PDLIM5: variants seen among roughly 807,000 people sequenced by gnomAD.
PDLIM5 encodes PDZ and LIM domain protein 5.
A neutral mutation model predicts 64.2 loss-of-function variants in PDLIM5; 34 were observed. That is an observed-to-expected ratio of 0.53 (90% CI 0.40 to 0.71). The LOEUF is 0.71. Among genes scored for constraint, PDLIM5 ranks in the 30% least tolerant of loss-of-function variants. The probability of loss-of-function intolerance (pLI) is 0.00; values close to 1 mark genes in which losing one functional copy is unlikely to be tolerated. For synonymous variants in PDLIM5, 253 were observed against 269.1 expected, an observed-to-expected ratio of 0.94 and a Z score of 0.59; for missense variants, 683 against 733.6, an observed-to-expected ratio of 0.93 and a Z score of 0.80.
chr4:94,642,736 A>C (rs1741094258), intron 9 of PDLIM5, among the ~76,000 whole-genome samples: 1 of 152,164 alleles, frequency 6.6e-6, no homozygotes, highest in Non-Finnish European at 1.5e-5. Context: ...TAGTCAAAGC[A>C]TAATTCTAGT....
At chr4:94,530,803 A>T (rs1031751184) in intron 3 of PDLIM5, among the ~76,000 whole-genome samples, 1 of 152,146 alleles carries the variant, frequency 6.6e-6, no homozygotes, top group Non-Finnish European at 1.5e-5. Flanking sequence ...AGATTGGAGT[A>T]ATTTAATAGG....
rs570686933 is a variant in PDLIM5, at chr4:94,570,897, G to T, written c.249-2454G>T. The stretch of plus-strand genomic sequence containing the variant: ...TGTTTACGAGTTAAGTATATTAGAT[G>T]CTTGAGGGAGTCACCAAGACATAAT... On this transcript the variant is annotated intron_variant, in intron 3 of 12. Transcript: ENST00000317968. Among the ~76,000 whole-genome samples, 26 of 152,238 alleles carry T rather than the reference G, an allele frequency of 1.7e-4. No homozygotes were observed. The South Asian group carries it at 4.2e-3, about 24-fold the overall frequency.
At chr4:94,488,263 G>C (rs150216098) in intron 2 of PDLIM5, among the ~76,000 whole-genome samples, 1 of 152,152 alleles carries the variant, frequency 6.6e-6, no homozygotes, top group African/African-American at 2.4e-5. Context: ...GAATTGAAAT[G>C]ATCTGTTTTT....
At position 94,645,937 on chromosome 4, in the gene PDLIM5, A is replaced by G. The variant is rs370995928; in HGVS notation, c.1283+5487A>G. Reference sequence around the variant, plus strand: ...TGAGAAAGAAGATAATAGATAATAAACAAGTTGAACAGTTAAATATTCTCA... The same window carrying G: ...TGAGAAAGAAGATAATAGATAATAAGCAAGTTGAACAGTTAAATATTCTCA... On this transcript the variant is annotated intron_variant, in intron 9 of 12. Coordinates refer to ENST00000317968, the MANE Select transcript of PDLIM5 (RefSeq NM_006457.5). Among the ~76,000 whole-genome samples, 149 of 152,330 alleles carry G rather than the reference A, an allele frequency of 9.8e-4. 5 individuals are homozygous for G. In the South Asian group the frequency reaches 0.02, roughly 21 times the overall value.
chr4:94,520,414 C>T (rs28491414), intron 2 of PDLIM5, among the ~76,000 whole-genome samples: 27,013 of 152,096 alleles, frequency 0.18, 5,126 homozygotes, highest in African/African-American at 0.48. Flanking sequence ...TAAACTACTG[C>T]TTTAAACAAA....
intron 5 of PDLIM5, chr4:94,577,466 GATAT>G (rs10591059): frequency 6.8e-3 from 2,422 of 358,446 alleles, no homozygotes; most frequent in Non-Finnish European, 8.7e-3. Flanking sequence ...CTAAAGTTCT[GATAT>G]ATATATATAT....
chr4:94,498,439 TAACCTGGTTGA>T (rs1256331919), intron 2 of PDLIM5, among the ~76,000 whole-genome samples: 1 of 152,178 alleles, frequency 6.6e-6, no homozygotes, highest in Non-Finnish European at 1.5e-5. Flanking sequence ...TCTGAGGAAC[TAACCTGGTTGA>T]CTCCTAGACT....
rs374438279 is a variant in PDLIM5 at position 94,650,876 on chromosome 4, C to G, written c.1284-3584C>G. The stretch of plus-strand genomic sequence containing the variant: ...ATAAACAGGGTGAAAAGTTTCATGC[C>G]GTAGCTCTTCTCTCACAGCCAACCA... On this transcript the variant is annotated intron_variant, in intron 9 of 12. Coordinates refer to ENST00000317968, the MANE Select transcript of PDLIM5 (RefSeq NM_006457.5). 6.6e-5 allele frequency among the ~76,000 whole-genome samples: 10 copies of G among 151,822 alleles called. No individual in the cohort carries two copies. In the East Asian group the frequency reaches 7.8e-4, roughly 12 times the overall value.
intron 11 of PDLIM5, 149 bp from the exon 12 acceptor site, chr4:94,662,273 G>T: frequency 2.0e-6 from 1 of 497,722 alleles, no homozygotes. Context: ...CAAGCCAAAT[G>T]TTATGCCATC....
At chr4:94,513,206 C>A (rs1052650918) in intron 2 of PDLIM5, among the ~76,000 whole-genome samples, 3 of 152,094 alleles carry the variant, frequency 2.0e-5, no homozygotes, top group South Asian at 4.1e-4. Flanking sequence ...ATAGCTTTGG[C>A]TATTCTGGGT....
In PDLIM5 at chr4:94,666,295, A is replaced by G. The variant is rs1485586538; in HGVS notation, c.*2228A>G. 8.5e-6 allele frequency: 3 copies of G among 351,326 alleles called. No individual in the cohort carries two copies. Among genetic ancestry groups the G allele is most frequent in the Non-Finnish European group, 1.5e-5 (3 of 196,132 alleles). The allele number at this position is 351,326 out of a possible 1,614,324, so 21.8% of individuals were successfully genotyped here. A position where few individuals can be genotyped will look rare whatever the true frequency, so the allele number is the denominator to read the frequency against. ...ATGCAGATAATAATTAACTGGGGAT[A>G]AAAGAATGGCAAGGGGTGACACAAA... On this transcript the variant is annotated 3_prime_UTR_variant, in exon 13 of 13. Transcript: ENST00000317968.
At chr4:94,627,817 G>T (rs1262632188) in intron 8 of PDLIM5, among the ~76,000 whole-genome samples, 2 of 152,176 alleles carry the variant, frequency 1.3e-5, no homozygotes, top group Admixed American at 1.3e-4. Flanking sequence ...AGACTTTATT[G>T]ACAGCCATCA....
chr4:94,463,512 A>G (rs890351759), intron 2 of PDLIM5, among the ~76,000 whole-genome samples: 1 of 152,164 alleles, frequency 6.6e-6, no homozygotes, highest in African/African-American at 2.4e-5. Context: ...ATCATAAAGG[A>G]CTTCATTCTT....
chr4:94,505,961 G>A (rs1728356957), intron 2 of PDLIM5, among the ~76,000 whole-genome samples: 1 of 152,188 alleles, frequency 6.6e-6, no homozygotes, highest in Non-Finnish European at 1.5e-5. Context: ...AGAGGTTGGA[G>A]GTGGGGCTGA....
At position 94,532,104 on chromosome 4, in the gene PDLIM5, T is replaced by C. The variant is rs1325456487; in HGVS notation, c.248+8229T>C. On this transcript the variant is annotated intron_variant, in intron 3 of 12. Coordinates refer to ENST00000317968, the MANE Select transcript of PDLIM5 (RefSeq NM_006457.5). ...TTGCTAGTTCATTCCTATGCTTCTATGTATGCATTCTGTGAGTAACTAAAA... is the reference window on the plus strand; with the variant it reads ...TTGCTAGTTCATTCCTATGCTTCTACGTATGCATTCTGTGAGTAACTAAAA... Among the ~76,000 whole-genome samples the C allele has an allele frequency of 3.9e-5, 6 of 152,336 alleles. No homozygotes were observed. The East Asian group carries it at 1.2e-3, about 29-fold the overall frequency.
rs117634453 is a variant in PDLIM5 at position 94,525,060 on chromosome 4, C to T, written c.248+1185C>T. On this transcript the variant is annotated intron_variant, in intron 3 of 12. Coordinates refer to ENST00000317968, the MANE Select transcript of PDLIM5 (RefSeq NM_006457.5). ...ACTTTTTCTCCCTCCCCAATCTCTT[C>T]CATAATTATATTGCATATAATTATC... 1.2e-4 allele frequency among the ~76,000 whole-genome samples: 19 copies of T among 152,212 alleles called. No homozygotes were observed. The East Asian group carries it at 3.7e-3, about 29-fold the overall frequency.
chr4:94,538,160 A>T (rs1253083076), intron 3 of PDLIM5, among the ~76,000 whole-genome samples: 1 of 152,204 alleles, frequency 6.6e-6, no homozygotes, highest in Non-Finnish European at 1.5e-5. Flanking sequence ...TTCCAGTATC[A>T]GTATTACCTC....
intron 2 of PDLIM5, among the ~76,000 whole-genome samples, chr4:94,462,064 C>T (rs1031256683): frequency 1.2e-4 from 19 of 152,138 alleles, no homozygotes; most frequent in African/African-American, 4.6e-4. Flanking sequence ...CAGAGTTTCA[C>T]CATGTTGGCC....
At chr4:94,517,069 G>C (rs1034108493) in intron 2 of PDLIM5, among the ~76,000 whole-genome samples, 1 of 152,110 alleles carries the variant, frequency 6.6e-6, no homozygotes, top group Admixed American at 6.6e-5. Flanking sequence ...ATATATGCGG[G>C]GGGGACATCA....
Sources: gnomAD v4.1 joint callset for allele counts (sites outside exome capture counted in the v4.1 genomes callset) on GRCh38, gnomAD v4.1.1 for gene constraint, MANE v1.5 for transcripts, NCBI Gene and HGNC (gene_info 2026-07-23, HGNC 2026-07-21) for gene names.